Variants in NUP155 observed in about 807,000 individuals in gnomAD.
NUP155 encodes nucleoporin 155.
NUP155 carries 71 observed loss-of-function variants against 180.4 expected under a neutral mutation model. The ratio of observed to expected loss-of-function variants is 0.39; its 90% CI spans 0.33 to 0.48. The LOEUF is 0.48. Among genes scored for constraint, NUP155 ranks in the 20% least tolerant of loss-of-function variants. The pLI, the probability that NUP155 is intolerant of heterozygous loss-of-function variation, is 0.91. For missense variants in NUP155, 1,553 were observed against 1,648.9 expected (o/e 0.94, Z 1.01); for synonymous variants, 582 against 559.5 (o/e 1.04, Z -0.57).
intron 28 of NUP155, 37 bp downstream of exon 28, chr5:37,303,223 T>C: frequency 4.3e-6 from 7 of 1,610,570 alleles, no homozygotes; most frequent in Non-Finnish European, 5.9e-6. Flanking sequence ...TAGCTCAGTT[T>C]TGAATCATTC....
At position 37,365,711 on chromosome 5, in the gene NUP155, G is replaced by GAAAAAAAAAAAAAAAAAAA. The variant is rs1747518236; in HGVS notation, c.158-1328_158-1327insTTTTTTTTTTTTTTTTTTT. Among the ~76,000 whole-genome samples, 2 of 34,004 alleles carry GAAAAAAAAAAAAAAAAAAA rather than the reference G, an allele frequency of 5.9e-5. 1 individual carries two copies. The highest frequency in any genetic ancestry group is 3.2e-4 in the African/African-American group (2 of 6,306). The allele number at this position is 34,004 out of a possible 152,430, so 22.3% of individuals were successfully genotyped here. The stretch of plus-strand genomic sequence containing the variant: ...TGACAGAGCAAGACTCTGTCTCGGG[G>GAAAAAAAAAAAAAAAAAAA]AGAAAAAAAAAAAAAAAAAAAAAAA... On this transcript the variant is annotated intron_variant, in intron 1 of 34. Coordinates refer to ENST00000231498, the MANE Select transcript of NUP155 (RefSeq NM_153485.3).
chr5:37,351,871 A>AGTGTGT (rs141685160), intron 5 of NUP155, among the ~76,000 whole-genome samples: 10 of 148,630 alleles, frequency 6.7e-5, no homozygotes, highest in East Asian at 2.0e-4. Flanking sequence ...AGAGTGTGTG[A>AGTGTGT]GTGTGTGTGT....
chr5:37,325,417 A>G (rs1744526636), intron 19 of NUP155, among the ~76,000 whole-genome samples: 1 of 152,078 alleles, frequency 6.6e-6, no homozygotes, highest in Admixed American at 6.6e-5. Flanking sequence ...AATGTTAGAG[A>G]TGAGATTTAA....
intron 21 of NUP155, among the ~76,000 whole-genome samples, chr5:37,315,626 G>C (rs577400370): frequency 4.7e-5 from 7 of 150,196 alleles, no homozygotes; most frequent in African/African-American, 1.3e-4. Flanking sequence ...TGGAACCCTT[G>C]TGCATTGCTA....
chr5:37,367,268 G>A (rs565796682), intron 1 of NUP155, among the ~76,000 whole-genome samples: 8 of 151,842 alleles, frequency 5.3e-5, no homozygotes, highest in African/African-American at 1.9e-4. Flanking sequence ...TGTCGCCCAG[G>A]CTGTAGTGCA....
rs187880207 is a variant in NUP155 at position 37,348,006 on chromosome 5, T to C, written c.995+499A>G. 1.0e-3 allele frequency among the ~76,000 whole-genome samples: 156 copies of C among 152,204 alleles called. 2 individuals are homozygous for C. Among genetic ancestry groups the C allele is most frequent in the Admixed American group, 8.1e-3 (124 of 15,262 alleles). On this transcript the variant is annotated intron_variant, in intron 9 of 34. Transcript: ENST00000231498. The stretch of plus-strand genomic sequence containing the variant: ...AAAATTAGCTGGGCATGGTGGTGCA[T>C]GTCCGTAATCCCAACTACTCGGGAG...
chr5:37,313,586 A>C (rs1743672836), intron 22 of NUP155, among the ~76,000 whole-genome samples: 1 of 151,806 alleles, frequency 6.6e-6, no homozygotes, highest in Admixed American at 6.6e-5. Flanking sequence ...GTGGCGCCTC[A>C]ACCTCCCAGG....
intron 5 of NUP155, among the ~76,000 whole-genome samples, chr5:37,351,856 C>T (rs975465670): frequency 2.7e-5 from 4 of 149,576 alleles, no homozygotes; most frequent in South Asian, 2.1e-4. Flanking sequence ...TTAAACAGAA[C>T]CTGCAGAGTG....
At chr5:37,300,706 G>C (rs997632656) in intron 30 of NUP155, among the ~76,000 whole-genome samples, 2 of 152,046 alleles carry the variant, frequency 1.3e-5, no homozygotes, top group Non-Finnish European at 2.9e-5. Context: ...ACTCAGGCTG[G>C]AATGCAGTAG....
At chr5:37,323,568 T>C (rs558212010) in intron 20 of NUP155, among the ~76,000 whole-genome samples, 2 of 151,104 alleles carry the variant, frequency 1.3e-5, no homozygotes, top group Non-Finnish European at 2.9e-5. Flanking sequence ...CTATATTCCA[T>C]TTATATAACT....
At chr5:37,312,964 T>A (rs549189648) in intron 22 of NUP155, among the ~76,000 whole-genome samples, 196 of 152,306 alleles carry the variant, frequency 1.3e-3, no homozygotes, top group African/African-American at 4.3e-3. Context: ...TACTTTTGTA[T>A]ACGTTTAGAA....
At position 37,352,145 on chromosome 5, in the gene NUP155, CAGG is replaced by C. The variant is rs568425666; in HGVS notation, c.556+589_556+591del. 1.1e-4 allele frequency among the ~76,000 whole-genome samples: 17 copies of C among 152,222 alleles called. 1 individual carries two copies. In the South Asian group the frequency reaches 3.3e-3, roughly 30 times the overall value. On this transcript the variant is annotated intron_variant, in intron 5 of 34. Transcript: ENST00000231498. ...GGCCAAGGCAGGTGGATCACGAGGT[CAGG>C]AGTTCAAGAACAGCCTGGCCAACAC...
chr5:37,343,277 T>C (rs984958355), intron 9 of NUP155, among the ~76,000 whole-genome samples: 7 of 152,040 alleles, frequency 4.6e-5, no homozygotes, highest in Non-Finnish European at 7.4e-5. Context: ...GGTTTCACTA[T>C]GTTAGCCAGG....
At position 37,329,976 on chromosome 5, in the gene NUP155, A is replaced by G. The variant is rs965998437; in HGVS notation, c.1724+62T>C. The stretch of plus-strand genomic sequence containing the variant: ...GGCAAGGCTTTATCACATTGATAAA[A>G]TCATTTTAAAAAGTGGCCCAGTAAA... On this transcript the variant is annotated intron_variant, in intron 15 of 34. Coordinates refer to ENST00000231498, the MANE Select transcript of NUP155 (RefSeq NM_153485.3). The G allele has an allele frequency of 1.5e-5, 18 of 1,180,876 alleles. No homozygotes were observed. The Admixed American group carries it at 3.2e-4, about 21-fold the overall frequency. The allele number at this position is 1,180,876 out of a possible 1,614,324, so 73.1% of individuals were successfully genotyped here. A position where few individuals can be genotyped will look rare whatever the true frequency, so the allele number is the denominator to read the frequency against.
rs576725783 is a variant in NUP155 at position 37,309,105 on chromosome 5, T to C, written c.2767+24A>G. 3.1e-6 allele frequency: 5 copies of C among 1,610,218 alleles called. No homozygotes were observed. The South Asian group carries it at 4.4e-5, about 14-fold the overall frequency. On this transcript the variant is annotated intron_variant, in intron 24 of 34. Coordinates refer to ENST00000231498, the MANE Select transcript of NUP155 (RefSeq NM_153485.3). ...TTTGTCTTTTGAGTTGAGTAAAAGA[T>C]ACAAGAAACATTTTATTTCTCACCT...
chr5:37,297,103 T>C (rs186320272), intron 32 of NUP155, among the ~76,000 whole-genome samples: 1 of 151,958 alleles, frequency 6.6e-6, no homozygotes, highest in Admixed American at 6.6e-5. Context: ...AAGAAAAAAA[T>C]ATATATATAT....
In NUP155 at chr5:37,330,562, C is replaced by T. The variant is rs571053345; in HGVS notation, c.1630-430G>A. 2.6e-5 allele frequency among the ~76,000 whole-genome samples: 4 copies of T among 152,252 alleles called. No individual in the cohort carries two copies. In the South Asian group the frequency reaches 8.3e-4, roughly 32 times the overall value. ...AAGCCCAGAGAAGTCAAGTAATTTA[C>T]CTCAGTGGTGGAGCTGGGATTTTTA... On this transcript the variant is annotated intron_variant, in intron 14 of 34. Coordinates refer to ENST00000231498, the MANE Select transcript of NUP155 (RefSeq NM_153485.3).
intron 27 of NUP155, among the ~76,000 whole-genome samples, 187 bp downstream of exon 27, chr5:37,304,552 C>T (rs1030626625): frequency 1.3e-5 from 2 of 152,194 alleles, no homozygotes; most frequent in Middle Eastern, 3.4e-3. Context: ...TTCGAATTAA[C>T]AAGAAAATTG....
rs1178972365 is a variant in NUP155, at chr5:37,331,665, T to C, written c.1629+20A>G. The C allele has an allele frequency of 7.1e-7, 1 of 1,407,732 alleles. No individual in the cohort carries two copies. The highest frequency in any genetic ancestry group is 1.0e-6 in the Non-Finnish European group (1 of 1,001,706). 87.2% of individuals were successfully genotyped at this position (1,407,732 alleles called of 1,614,324 possible). ...TTTGTTTAAAATAGCATCACATTTT[T>C]TAAAAGTATATATAATTACCTGATG... On this transcript the variant is annotated intron_variant, in intron 14 of 34. Transcript: ENST00000231498.
Sources: allele counts gnomAD v4.1 joint callset (sites outside exome capture counted in the v4.1 genomes callset), GRCh38; gene constraint gnomAD v4.1.1; transcripts MANE v1.5; gene names NCBI Gene and HGNC (gene_info 2026-07-23, HGNC 2026-07-21).